Variants in PTPRA observed in about 807,000 individuals in gnomAD.
PTPRA encodes receptor-type tyrosine-protein phosphatase alpha.
Under a neutral mutation model 104.8 loss-of-function variants are expected in PTPRA, and 25 were observed. The observed-to-expected ratio is 0.24, with a 90% confidence interval of 0.17 to 0.33. The LOEUF (loss-of-function observed/expected upper bound fraction) is 0.33. Ranked by LOEUF, PTPRA falls within the 10% of genes least tolerant of loss-of-function variation. PTPRA has a pLI of 1.00. For missense variants in PTPRA, 765 were observed against 1,015.3 expected (o/e 0.75, Z 3.35); for synonymous variants, 323 against 368.9 (o/e 0.88, Z 1.43).
At chr20:2,884,813 T>G (rs9636542) in intron 1 of PTPRA, among the ~76,000 whole-genome samples, 7 of 21,430 alleles carry the variant, frequency 3.3e-4, no homozygotes, top group South Asian at 3.5e-3. Flanking sequence ...GTTTTTTTTG[T>G]TTTTTTTTTT....
chr20:2,950,130 G>A lies in PTPRA; in HGVS notation c.-7+2106G>A, dbSNP rs545100664. 6.6e-6 allele frequency among the ~76,000 whole-genome samples: 1 copy of A among 152,200 alleles called. No homozygotes were observed. Among genetic ancestry groups the A allele is most frequent in the Admixed American group, 6.5e-5 (1 of 15,272 alleles). On this transcript the variant is annotated intron_variant, in intron 3 of 23. Transcript: ENST00000399903. This position sits in a 1 kb window ranked among gnomAD's most constrained non-coding sequence, Gnocchi z 4.0. ...CACTCTTGTTTTCTCACCTATAATAGCATCTGGGTCCAGTGTTTTTTATGT... is the reference window on the plus strand; with the variant it reads ...CACTCTTGTTTTCTCACCTATAATAACATCTGGGTCCAGTGTTTTTTATGT...
chr20:2,881,719 G>T (rs1422165878), intron 1 of PTPRA, among the ~76,000 whole-genome samples: 1 of 152,124 alleles, frequency 6.6e-6, no homozygotes, highest in Non-Finnish European at 1.5e-5. Context: ...GACAAAATGG[G>T]GCCGGGTGCA....
At chr20:2,894,224 G>A (rs2058905347) in intron 1 of PTPRA, among the ~76,000 whole-genome samples, 1 of 152,088 alleles carries the variant, frequency 6.6e-6, no homozygotes, top group Non-Finnish European at 1.5e-5. Flanking sequence ...TTTAAAACTG[G>A]AGAATACATT....
At chr20:2,988,288 G>A in intron 8 of PTPRA, 50 bp from the exon 9 acceptor site, 1 of 1,565,894 alleles carries the variant, frequency 6.4e-7, no homozygotes. Flanking sequence ...TCCAGAAGAG[G>A]GGCTAGGTTC....
intron 2 of PTPRA, among the ~76,000 whole-genome samples, chr20:2,939,139 T>C (rs2060812056): frequency 6.6e-6 from 1 of 152,226 alleles, no homozygotes; most frequent in Admixed American, 6.5e-5. Flanking sequence ...GTCTGAAATT[T>C]AGGTGTTATT....
the PTPRA span, chr20:2,864,829 C>T: frequency 1.7e-6 from 2 of 1,180,418 alleles, no homozygotes; most frequent in South Asian, 1.3e-5. This position sits in a 1 kb window ranked among gnomAD's most constrained non-coding sequence, Gnocchi z 5.2. Context: ...AGCTAGCCAT[C>T]CCTCTAGGAC....
intron 6 of PTPRA, among the ~76,000 whole-genome samples, chr20:2,985,821 A>G (rs910962216): frequency 6.6e-4 from 101 of 152,294 alleles, no homozygotes; most frequent in African/African-American, 2.3e-3. Context: ...GCCTCAAGCA[A>G]TCCTTCTACC....
the PTPRA span, among the ~76,000 whole-genome samples, chr20:2,868,310 C>CTTT: frequency 2.6e-3 from 270 of 104,136 alleles, 7 homozygotes; most frequent in African/African-American, 4.4e-3. Context: ...GACTCCACCT[C>CTTT]TTTTTTTTTT....
At chr20:2,915,303 A>G (rs1055277509) in intron 1 of PTPRA, among the ~76,000 whole-genome samples, 16 of 152,166 alleles carry the variant, frequency 1.1e-4, no homozygotes, top group African/African-American at 3.9e-4. Context: ...GTATAATACC[A>G]CATTTTGTTT....
intron 1 of PTPRA, among the ~76,000 whole-genome samples, chr20:2,894,381 G>A (rs1301007179): frequency 1.3e-5 from 2 of 152,130 alleles, no homozygotes; most frequent in African/African-American, 4.8e-5. Context: ...GTTTTTCAAG[G>A]CTATGTAGTC....
intron 9 of PTPRA, among the ~76,000 whole-genome samples, chr20:3,001,223 G>T (rs1055248975): frequency 6.6e-6 from 1 of 152,202 alleles, no homozygotes; most frequent in African/African-American, 2.4e-5. Flanking sequence ...GTTTTCATCC[G>T]TGACGCAGGC....
At chr20:2,887,321 G>A (rs2146920516) in intron 1 of PTPRA, among the ~76,000 whole-genome samples, 1 of 152,292 alleles carries the variant, frequency 6.6e-6, no homozygotes, top group East Asian at 1.9e-4. Context: ...TGTTGGGGAT[G>A]TATACTCTTA....
intron 9 of PTPRA, among the ~76,000 whole-genome samples, chr20:2,993,428 G>A (rs2063271512): frequency 6.6e-6 from 1 of 152,150 alleles, no homozygotes; most frequent in African/African-American, 2.4e-5. Context: ...TAGTTGTCAA[G>A]GTAATGTCCT....
chr20:2,984,294 C>T (rs575564586), intron 6 of PTPRA, among the ~76,000 whole-genome samples: 1 of 152,240 alleles, frequency 6.6e-6, no homozygotes, highest in Non-Finnish European at 1.5e-5. Context: ...TTAAAAGTCC[C>T]CACGAAAGGA....
At chr20:2,890,224 AT>A (rs970518392) in intron 1 of PTPRA, among the ~76,000 whole-genome samples, 7 of 148,528 alleles carry the variant, frequency 4.7e-5, no homozygotes, top group Admixed American at 3.4e-4. Context: ...CCTTCAATCA[AT>A]TTTTTTTTTC....
chr20:2,971,615 G>C (rs2062190267), intron 5 of PTPRA, among the ~76,000 whole-genome samples: 1 of 152,130 alleles, frequency 6.6e-6, no homozygotes, highest in South Asian at 2.1e-4. Context: ...GCATTCTCTT[G>C]TATCTGACAC....
chr20:3,010,099 C>T lies in PTPRA; in HGVS notation c.906+2679C>T, dbSNP rs1052383516. On this transcript the variant is annotated intron_variant, in intron 11 of 23. Transcript: ENST00000399903. ...TCTGAGCCTCAAGTGATCCACCTGC[C>T]TCTGCCTCCCAAAGTGCTGGGATTA... Among the ~76,000 whole-genome samples, 23 of 152,178 alleles carry T rather than the reference C, an allele frequency of 1.5e-4. 1 individual carries two copies. The highest frequency in any genetic ancestry group is 5.5e-4 in the African/African-American group (23 of 41,556).
At chr20:2,900,872 AT>A (rs1200364797) in intron 1 of PTPRA, among the ~76,000 whole-genome samples, 5 of 151,562 alleles carry the variant, frequency 3.3e-5, no homozygotes, top group Non-Finnish European at 5.9e-5. Flanking sequence ...AAAAAAAAAA[AT>A]AGCTTCTCCA....
At chr20:2,864,352 T>A in the PTPRA span, 1 of 1,614,138 alleles carries the variant, frequency 6.2e-7, no homozygotes, top group South Asian at 1.1e-5. This position sits in a 1 kb window ranked among gnomAD's most constrained non-coding sequence, Gnocchi z 5.2. Flanking sequence ...CACTCCACCT[T>A]ACTCTCCTGC....
Sources: gnomAD v4.1 joint callset for allele counts (sites outside exome capture counted in the v4.1 genomes callset) on GRCh38, gnomAD v4.1.1 for gene constraint, Gnocchi (gnomAD v3.1) non-coding constraint, MANE v1.5 for transcripts, NCBI Gene and HGNC (gene_info 2026-07-23, HGNC 2026-07-21) for gene names.